FLRT2: variants seen among roughly 807,000 people sequenced by gnomAD.
FLRT2 encodes the protein leucine-rich repeat transmembrane protein FLRT2.
FLRT2 carries 15 observed loss-of-function variants against 40.0 expected under a neutral mutation model. That is an observed-to-expected ratio of 0.38 (90% CI 0.25 to 0.58). The LOEUF is 0.58. FLRT2 is among the 20% of genes least tolerant of loss of function. The pLI, the probability that FLRT2 is intolerant of heterozygous loss-of-function variation, is 0.71. For synonymous variants in FLRT2, 380 were observed against 336.8 expected, an observed-to-expected ratio of 1.13 and a Z score of -1.41; for missense variants, 726 against 840.0, an observed-to-expected ratio of 0.86 and a Z score of 1.68.
In FLRT2 at chr14:85,628,713, T is replaced by A. The variant is rs1271240298; in HGVS notation, c.*5216T>A. ...TAACTAGTATTACCTGTTTGTAGAA[T>A]CTCTGTTGGAACATTGACTATGAAA... On this transcript the variant is annotated 3_prime_UTR_variant, in exon 2 of 2. Coordinates refer to ENST00000330753, the MANE Select transcript of FLRT2 (RefSeq NM_013231.6). The A allele has an allele frequency of 6.6e-6, 1 of 152,212 alleles. No individual in the cohort carries two copies. Among genetic ancestry groups the A allele is most frequent in the East Asian group, 1.9e-4 (1 of 5,202 alleles). 9.4% of individuals were successfully genotyped at this position (152,212 alleles called of 1,614,324 possible).
chr14:85,549,713 G>A (rs922255432), intron 1 of FLRT2, among the ~76,000 whole-genome samples: 1 of 123,398 alleles, frequency 8.1e-6, no homozygotes. Flanking sequence ...TAGATTGTGT[G>A]TTATCTGCCA....
At chr14:85,566,666 C>T (rs1300901594) in intron 1 of FLRT2, among the ~76,000 whole-genome samples, 5 of 149,988 alleles carry the variant, frequency 3.3e-5, no homozygotes, top group Non-Finnish European at 4.4e-5. Flanking sequence ...CAAATACATA[C>T]GGTGGAATAT....
intron 1 of FLRT2, among the ~76,000 whole-genome samples, chr14:85,547,384 G>A (rs1019009719): frequency 7.3e-5 from 11 of 149,936 alleles, no homozygotes; most frequent in East Asian, 2.0e-4. Context: ...GTGCAGTAGC[G>A]TGATCTTGGG....
rs770745940 is a variant in FLRT2, at chr14:85,647,541, C to T, written c.*24044C>T. 2 of 152,156 alleles carry T rather than the reference C, an allele frequency of 1.3e-5. No homozygotes were observed. Among genetic ancestry groups the T allele is most frequent in the South Asian group, 4.1e-4 (2 of 4,830 alleles). The allele number at this position is 152,156 out of a possible 1,614,324, so 9.4% of individuals were successfully genotyped here. On this transcript the variant is annotated 3_prime_UTR_variant, in exon 2 of 2. Transcript: ENST00000330753. Reference sequence around the variant, plus strand: ...ATGTTTCTCTTCCAAGAGGACACAACAATGATTCATTTGAACTCTATGATT... The same window carrying T: ...ATGTTTCTCTTCCAAGAGGACACAATAATGATTCATTTGAACTCTATGATT...
chr14:85,544,953 CCCTTCCTAG>C (rs1382847746), intron 1 of FLRT2, among the ~76,000 whole-genome samples: 8 of 152,160 alleles, frequency 5.3e-5, no homozygotes, highest in African/African-American at 1.4e-4. Flanking sequence ...TTTGATATGC[CCCTTCCTAG>C]CCTTTGGTTT....
chr14:85,533,645 C>A (rs1362378523), intron 1 of FLRT2, among the ~76,000 whole-genome samples: 1 of 152,108 alleles, frequency 6.6e-6, no homozygotes, highest in Non-Finnish European at 1.5e-5. Flanking sequence ...GCGGGGGTCG[C>A]GGCGGCCGAA....
At position 85,622,710 on chromosome 14, in the gene FLRT2, C is replaced by G; in HGVS notation, c.1196C>G (p.Thr399Ser). 4 of 1,614,144 alleles carry G rather than the reference C, an allele frequency of 2.5e-6. No individual in the cohort carries two copies. Among genetic ancestry groups the G allele is most frequent in the Non-Finnish European group, 3.4e-6 (4 of 1,180,026 alleles). Reference sequence around the variant, plus strand: ...CCTAGCAGAAGCTACACGCCTCCAACTCCTACCACATCGAAACTTCCCACG... The same window carrying G: ...CCTAGCAGAAGCTACACGCCTCCAAGTCCTACCACATCGAAACTTCCCACG... ...PNPSRSYTPP[T>S]PTTSKLPTIP... The change falls in exon 2 of 2, where the codon ACT (threonine) becomes AGT (serine). Residue 399 changes from threonine (T) to serine (S), a missense_variant. Around this residue, in one of 3 missense-constraint regions of FLRT2, gnomAD observed 611 missense variants for 690.0 expected, o/e 0.89. Coordinates refer to ENST00000330753, the MANE Select transcript of FLRT2 (RefSeq NM_013231.6).
At chr14:85,543,033 A>G (rs1489504240) in intron 1 of FLRT2, among the ~76,000 whole-genome samples, 2 of 152,224 alleles carry the variant, frequency 1.3e-5, no homozygotes, top group African/African-American at 4.8e-5. Flanking sequence ...GGCCAAGAAG[A>G]AGAACCTAAA....
At chr14:85,617,942 C>T (rs1893206304) in intron 1 of FLRT2, among the ~76,000 whole-genome samples, 1 of 152,158 alleles carries the variant, frequency 6.6e-6, no homozygotes, top group Admixed American at 6.5e-5. Flanking sequence ...TTCTTCAGAA[C>T]CACATCATCT....
In FLRT2 at chr14:85,530,245, C is replaced by T. The variant is rs1039926925; in HGVS notation, c.-666C>T. On this transcript the variant is annotated 5_prime_UTR_variant, in exon 1 of 2. Coordinates refer to ENST00000330753, the MANE Select transcript of FLRT2 (RefSeq NM_013231.6). ...CGAGATATCATCAGTGCCCGCAAAT[C>T]TCCGCGCCAAGGCGCTGAGCTACTC... The T allele has an allele frequency of 1.3e-5, 2 of 152,670 alleles. No individual in the cohort carries two copies. Among genetic ancestry groups the T allele is most frequent in the African/African-American group, 4.8e-5 (2 of 41,470 alleles). The allele number at this position is 152,670 out of a possible 1,614,324, so 9.5% of individuals were successfully genotyped here.
chr14:85,617,054 T>C (rs2236236), intron 1 of FLRT2, among the ~76,000 whole-genome samples: 1 of 130,840 alleles, frequency 7.6e-6, no homozygotes, highest in Non-Finnish European at 1.7e-5. Context: ...TTCTCAACAG[T>C]TGGCGATTTT....
chr14:85,548,601 T>G (rs758159246), intron 1 of FLRT2, among the ~76,000 whole-genome samples: 3 of 152,234 alleles, frequency 2.0e-5, no homozygotes, highest in Non-Finnish European at 2.9e-5. Flanking sequence ...AACCATAGAC[T>G]AGCTTGCTGG....
intron 1 of FLRT2, among the ~76,000 whole-genome samples, chr14:85,604,909 G>A (rs1892538884): frequency 6.6e-6 from 1 of 152,152 alleles, no homozygotes; most frequent in Non-Finnish European, 1.5e-5. Context: ...GCCTAGTCTG[G>A]CTGTCACTCC....
intron 1 of FLRT2, among the ~76,000 whole-genome samples, chr14:85,609,921 A>G (rs1892785914): frequency 6.6e-6 from 1 of 152,204 alleles, no homozygotes. Flanking sequence ...CAGAAGAAGG[A>G]AAAAAGCCAA....
At chr14:85,603,235 G>A (rs1892457421) in intron 1 of FLRT2, among the ~76,000 whole-genome samples, 1 of 152,114 alleles carries the variant, frequency 6.6e-6, no homozygotes, top group Non-Finnish European at 1.5e-5. Context: ...GGTACAAGCT[G>A]CAACAGAGAA....
intron 1 of FLRT2, among the ~76,000 whole-genome samples, chr14:85,562,315 A>G (rs1890384500): frequency 6.6e-6 from 1 of 152,120 alleles, no homozygotes; most frequent in Admixed American, 6.5e-5. Context: ...ATCCAAAGTA[A>G]CTCAAATGCT....
chr14:85,605,821 G>C (rs1343428655), intron 1 of FLRT2, among the ~76,000 whole-genome samples: 1 of 151,902 alleles, frequency 6.6e-6, no homozygotes, highest in Admixed American at 6.6e-5. Context: ...ACATCAAATT[G>C]GACATTAATT....
In FLRT2 at chr14:85,637,953, T is replaced by A. The variant is rs1894048706; in HGVS notation, c.*14456T>A. On this transcript the variant is annotated 3_prime_UTR_variant, in exon 2 of 2. Coordinates refer to ENST00000330753, the MANE Select transcript of FLRT2 (RefSeq NM_013231.6). The stretch of plus-strand genomic sequence containing the variant: ...TCTGCTCCACCATCCTCCACTGTGC[T>A]TGAAATGCCTATCATTATCCTTATT... 6.6e-6 allele frequency: 1 copy of A among 152,210 alleles called. No individual in the cohort carries two copies. The highest frequency in any genetic ancestry group is 2.4e-5 in the African/African-American group (1 of 41,444). The allele number at this position is 152,210 out of a possible 1,614,324, so 9.4% of individuals were successfully genotyped here.
Position 85,626,121 on chromosome 14 carries a change from A to C in FLRT2, c.*2624A>C, listed in dbSNP as rs1893672751. On this transcript the variant is annotated 3_prime_UTR_variant, in exon 2 of 2. Transcript: ENST00000330753. ...CAACATGGCAAAGACTGCTAAGATTAAAATCCGTCTCCCATTTGTTACAGC... is the reference window on the plus strand; with the variant it reads ...CAACATGGCAAAGACTGCTAAGATTCAAATCCGTCTCCCATTTGTTACAGC... 2 of 167,096 alleles carry C rather than the reference A, an allele frequency of 1.2e-5. No individual in the cohort carries two copies. The highest frequency in any genetic ancestry group is 2.9e-5 in the Non-Finnish European group (2 of 68,128). 10.4% of individuals were successfully genotyped at this position (167,096 alleles called of 1,614,324 possible).
Sources: gnomAD v4.1 joint callset for allele counts (sites outside exome capture counted in the v4.1 genomes callset) on GRCh38, gnomAD v4.1.1 for gene constraint, gnomAD v4.1.1 regional missense constraint, MANE v1.5 for transcripts, NCBI Gene and HGNC (gene_info 2026-07-23, HGNC 2026-07-21) for gene names.